Variants in KANK1 observed in about 807,000 individuals in gnomAD.
The protein encoded by KANK1 is KN motif and ankyrin repeat domain-containing protein 1.
In KANK1, 109 loss-of-function variants were observed where a neutral mutation model predicts 106.2. The observed-to-expected ratio is 1.03, with a 90% CI of 0.88 to 1.20. The LOEUF is 1.20. Ranked by LOEUF, KANK1 falls within the 50% of genes most tolerant of loss-of-function variation. The pLI is 0.00. For missense variants in KANK1, 2,399 were observed against 1,710.7 expected (o/e 1.40, Z -7.10); for synonymous variants, 873 against 652.2 (o/e 1.34, Z -5.16).
intron 1 of KANK1, among the ~76,000 whole-genome samples, chr9:643,019 A>C (rs1838827793): frequency 6.6e-6 from 1 of 150,730 alleles, no homozygotes; most frequent in African/African-American, 2.5e-5. Context: ...ACCTTTTAAT[A>C]AAAAAGAGGA....
intron 3 of KANK1, among the ~76,000 whole-genome samples, chr9:717,890 C>T (rs1000914602): frequency 2.0e-5 from 3 of 152,098 alleles, no homozygotes; most frequent in African/African-American, 7.2e-5. Context: ...TAACTGCCTG[C>T]CCCATGATTT....
chr9:670,405 A>G (rs771963135), intron 1 of KANK1, among the ~76,000 whole-genome samples: 3 of 152,144 alleles, frequency 2.0e-5, no homozygotes, highest in Non-Finnish European at 4.4e-5. Context: ...AATTTCTTAC[A>G]CATTTTTCCC....
chr9:471,840 G>T (rs2058027229), intron 2 of KANK1, among the ~76,000 whole-genome samples: 1 of 152,194 alleles, frequency 6.6e-6, no homozygotes, highest in Non-Finnish European at 1.5e-5. Context: ...ATTACAGTGA[G>T]TTAAGCGTTC....
At chr9:625,533 C>T (rs1462628131) in intron 1 of KANK1, among the ~76,000 whole-genome samples, 1 of 151,692 alleles carries the variant, frequency 6.6e-6, no homozygotes, top group East Asian at 1.9e-4. Flanking sequence ...CATAGTTATC[C>T]GTTGTTAAAA....
At chr9:537,415 G>C (rs1237436573) in intron 1 of KANK1, among the ~76,000 whole-genome samples, 2 of 152,174 alleles carry the variant, frequency 1.3e-5, no homozygotes, top group Non-Finnish European at 2.9e-5. Context: ...GAAGATCAAA[G>C]CATGGATGGG....
intron 1 of KANK1, among the ~76,000 whole-genome samples, chr9:532,650 C>T (rs2060117978): frequency 6.6e-6 from 1 of 152,254 alleles, no homozygotes; most frequent in East Asian, 1.9e-4. Context: ...TGAAAGTCTT[C>T]ACCAAGCTAC....
Position 745,312 on chromosome 9 carries a change from T to C in KANK1, c.*77T>C. On this transcript the variant is annotated 3_prime_UTR_variant, in exon 12 of 12. Coordinates refer to ENST00000382297, the MANE Select transcript of KANK1 (RefSeq NM_015158.5). ...TCCTGTTGGGGTGACAGATACTGAA[T>C]GTATACGTATTGTGCCTGAGCTCAC... is the stretch of plus-strand genomic sequence containing the variant. 1.3e-6 allele frequency: 2 copies of C among 1,563,762 alleles called. No homozygotes were observed. Among genetic ancestry groups the C allele is most frequent in the South Asian group, 1.1e-5 (1 of 89,750 alleles).
rs571925428 is a variant in KANK1, at chr9:525,626, C to G, written c.-84+20872C>G. ...GAACTCGTGGCCTCAAGTGATCTGC[C>G]TGCCTCCGCTTCCCAAAGTGAGGCA... On this transcript the variant is annotated intron_variant, in intron 1 of 11. Transcript: ENST00000382297. Among the ~76,000 whole-genome samples, 100 of 151,734 alleles carry G rather than the reference C, an allele frequency of 6.6e-4. 3 individuals carry two copies. Among genetic ancestry groups the G allele is most frequent in the African/African-American group, 2.3e-3 (95 of 41,052 alleles).
intron 1 of KANK1, among the ~76,000 whole-genome samples, chr9:638,024 G>T (rs10116503): frequency 0.15 from 22,385 of 152,152 alleles, 1,825 homozygotes; most frequent in Admixed American, 0.17. Context: ...CTGTAGAAGT[G>T]CCAGGCATCA....
chr9:581,116 C>T (rs960576240), intron 1 of KANK1, among the ~76,000 whole-genome samples: 28 of 152,272 alleles, frequency 1.8e-4, no homozygotes, highest in East Asian at 5.8e-4. Flanking sequence ...TCCTGGCCCG[C>T]GAGCGTTGTG....
chr9:505,452 A>C (rs898425115), intron 1 of KANK1, among the ~76,000 whole-genome samples: 2 of 152,196 alleles, frequency 1.3e-5, no homozygotes, highest in Non-Finnish European at 2.9e-5. Context: ...GGGAAGGTGT[A>C]GGGGCCCTGA....
At chr9:576,634 T>C (rs1051984159) in intron 1 of KANK1, among the ~76,000 whole-genome samples, 11 of 152,218 alleles carry the variant, frequency 7.2e-5, no homozygotes, top group African/African-American at 2.4e-4. Flanking sequence ...TTTAGGGGAC[T>C]GTACATTTCC....
intron 1 of KANK1, among the ~76,000 whole-genome samples, chr9:668,614 G>A (rs1183613163): frequency 6.6e-6 from 1 of 151,868 alleles, no homozygotes; most frequent in African/African-American, 2.4e-5. Context: ...TAATTTGTTG[G>A]GGTTTTTTTT....
intron 1 of KANK1, among the ~76,000 whole-genome samples, chr9:551,922 G>C (rs1382149279): frequency 6.6e-6 from 1 of 151,900 alleles, no homozygotes; most frequent in African/African-American, 2.4e-5. Context: ...TGGGTGTGTT[G>C]ATGTGCACCT....
intron 2 of KANK1, among the ~76,000 whole-genome samples, chr9:695,097 G>GA: frequency 6.6e-6 from 1 of 152,166 alleles, no homozygotes; most frequent in East Asian, 1.9e-4. Context: ...GCTCGTGCAT[G>GA]AACTAGGAAG....
chr9:694,937 G>A lies in KANK1; in HGVS notation c.38-15867G>A, dbSNP rs556637931. Among the ~76,000 whole-genome samples, 3 of 152,188 alleles carry A rather than the reference G, an allele frequency of 2.0e-5. No homozygotes were observed. In the South Asian group the frequency reaches 6.2e-4, roughly 32 times the overall value. On this transcript the variant is annotated intron_variant, in intron 2 of 11. Transcript: ENST00000382297. ...CCTGCCGTGATTCATTTTTCTTCAT[G>A]CCATGTTAAGAAATTTTGTATCAAG... is the stretch of plus-strand genomic sequence containing the variant.
At chr9:684,396 A>G (rs1469754893) in intron 2 of KANK1, 2 of 985,230 alleles carry the variant, frequency 2.0e-6, no homozygotes, top group African/African-American at 1.7e-5. Flanking sequence ...GGTGCCAACA[A>G]GAAAGAAAGA....
intron 1 of KANK1, among the ~76,000 whole-genome samples, chr9:669,915 A>G (rs1462656497): frequency 6.6e-5 from 10 of 152,100 alleles, no homozygotes; most frequent in African/African-American, 9.7e-5. Flanking sequence ...TTTGTATAAT[A>G]TATTTCCATT....
intron 1 of KANK1, among the ~76,000 whole-genome samples, chr9:530,126 G>C (rs1457577082): frequency 6.6e-6 from 1 of 152,166 alleles, no homozygotes; most frequent in Non-Finnish European, 1.5e-5. Flanking sequence ...CAAGTTGTAT[G>C]ACATTATACC....
Sources: allele counts gnomAD v4.1 joint callset (sites outside exome capture counted in the v4.1 genomes callset), GRCh38; gene constraint gnomAD v4.1.1; transcripts MANE v1.5; gene names NCBI Gene and HGNC (gene_info 2026-07-23, HGNC 2026-07-21).